The following C4orf50 variants were observed in gnomAD, a reference collection of about 807,000 sequenced individuals.
C4orf50 encodes uncharacterized protein C4orf50.
C4orf50 carries 80 observed loss-of-function variants against 77.2 expected under a neutral mutation model. The observed-to-expected ratio is 1.04, with a 90% confidence interval of 0.87 to 1.25. C4orf50 has a LOEUF of 1.25. C4orf50 is among the 50% of genes most tolerant of loss of function. The pLI, the probability that C4orf50 is intolerant of heterozygous loss-of-function variation, is 0.00. For synonymous variants in C4orf50, 532 were observed against 465.3 expected, an observed-to-expected ratio of 1.14 and a Z score of -1.84; for missense variants, 1,257 against 1,152.9, an observed-to-expected ratio of 1.09 and a Z score of -1.31.
chr4:5,966,174 T>A (rs745968224), intron 32 of C4orf50, among the ~76,000 whole-genome samples: 4 of 152,232 alleles, frequency 2.6e-5, no homozygotes, highest in Non-Finnish European at 5.9e-5. Context: ...GGCTTCATTT[T>A]CTTTTTAATA....
intron 30 of C4orf50, among the ~76,000 whole-genome samples, chr4:5,975,254 C>T (rs888856530): frequency 2.7e-5 from 4 of 149,102 alleles, no homozygotes; most frequent in African/African-American, 2.5e-5. Flanking sequence ...GAGCACAGAG[C>T]GCAGGGGTGG....
At chr4:5,917,505 C>T (rs953680911) in intron 7 of C4orf50, among the ~76,000 whole-genome samples, 2 of 147,174 alleles carry the variant, frequency 1.4e-5, no homozygotes, top group African/African-American at 5.0e-5. Flanking sequence ...CCTTTGCCTT[C>T]CGGGTTCAAG....
intron 32 of C4orf50, among the ~76,000 whole-genome samples, chr4:5,967,087 T>A (rs1198571043): frequency 6.6e-6 from 1 of 152,212 alleles, no homozygotes; most frequent in African/African-American, 2.4e-5. Flanking sequence ...TTCCTCCCAG[T>A]TTTTGGCTAT....
At chr4:5,921,242 C>G (rs1265937894) in intron 7 of C4orf50, among the ~76,000 whole-genome samples, 1 of 152,180 alleles carries the variant, frequency 6.6e-6, no homozygotes. Context: ...TCCTCCTGGG[C>G]TCCCTGACAG....
intron 33 of C4orf50, among the ~76,000 whole-genome samples, chr4:5,962,683 C>T (rs1719336954): frequency 6.6e-6 from 1 of 152,250 alleles, no homozygotes; most frequent in African/African-American, 2.4e-5. Flanking sequence ...CGCTTATGAG[C>T]TGGGTGACCT....
At chr4:6,010,159 T>C (rs1275305403) in intron 24 of C4orf50, among the ~76,000 whole-genome samples, 6 of 152,142 alleles carry the variant, frequency 3.9e-5, no homozygotes, top group Admixed American at 1.3e-4. Flanking sequence ...CGAAAAGTAT[T>C]TGTGACAATA....
rs1236013239 is a variant in C4orf50, at chr4:5,900,241, A to C, written c.*2475-2053T>G. 2 of 152,210 alleles carry C rather than the reference A, an allele frequency of 1.3e-5. No homozygotes were observed. The highest frequency in any genetic ancestry group is 2.9e-5 in the Non-Finnish European group (2 of 68,038). The allele number at this position is 152,210 out of a possible 1,614,324, so 9.4% of individuals were successfully genotyped here. A position where few individuals can be genotyped will look rare whatever the true frequency, so the allele number is the denominator to read the frequency against. Reference sequence around the variant, plus strand: ...CTCAATAAATTGCTGAGTAAAACAAATAGAAAGGACCCCAGCTGTAAAAGG... The same window carrying C: ...CTCAATAAATTGCTGAGTAAAACAACTAGAAAGGACCCCAGCTGTAAAAGG... On this transcript the variant is annotated intron_variant, in intron 7 of 7. Transcript: ENST00000324058. The surrounding 1 kb of genome is among the most constrained non-coding windows in gnomAD (Gnocchi z 4.3).
chr4:5,980,971 G>A (rs1208593616), intron 28 of C4orf50, among the ~76,000 whole-genome samples: 1 of 152,150 alleles, frequency 6.6e-6, no homozygotes, highest in African/African-American at 2.4e-5. Flanking sequence ...ACAGTGAGAG[G>A]GAACAGGCTG....
exon 34 of C4orf50, chr4:5,959,407 C>A: frequency 1.2e-6 from 2 of 1,614,116 alleles, no homozygotes; most frequent in Non-Finnish European, 1.7e-6. Context: ...GATTTATGGA[C>A]CTGGGAATTG....
At chr4:5,979,066 G>A (rs567113488) in intron 29 of C4orf50, among the ~76,000 whole-genome samples, 1 of 152,304 alleles carries the variant, frequency 6.6e-6, no homozygotes, top group African/African-American at 2.4e-5. Context: ...AGGATAACGA[G>A]TTATGGGCAA....
chr4:5,971,228 G>A (rs561555382), intron 31 of C4orf50, among the ~76,000 whole-genome samples: 153 of 152,304 alleles, frequency 1.0e-3, no homozygotes, highest in African/African-American at 3.5e-3. Context: ...GGCCCCCATC[G>A]GGAATTCCAT....
chr4:6,013,660 G>A (rs1248859862), intron 23 of C4orf50, among the ~76,000 whole-genome samples: 2 of 152,194 alleles, frequency 1.3e-5, no homozygotes, highest in Non-Finnish European at 2.9e-5. Flanking sequence ...CTTGAGAGAG[G>A]GTTGAACTTA....
At chr4:5,993,173 C>T (rs924335532) in intron 26 of C4orf50, among the ~76,000 whole-genome samples, 3 of 152,168 alleles carry the variant, frequency 2.0e-5, no homozygotes, top group Admixed American at 6.5e-5. Flanking sequence ...GCCACCTCTG[C>T]GGCCCACAGA....
At chr4:5,921,223 G>A (rs1430999355) in intron 7 of C4orf50, among the ~76,000 whole-genome samples, 3 of 152,224 alleles carry the variant, frequency 2.0e-5, no homozygotes, top group Non-Finnish European at 4.4e-5. Context: ...TAGGCTTGAT[G>A]ATGTGTCATC....
At position 5,907,010 on chromosome 4, in the gene C4orf50, G is replaced by C. The variant is rs371902840; in HGVS notation, c.*2475-8822C>G. Among the ~76,000 whole-genome samples, 3 of 152,306 alleles carry C rather than the reference G, an allele frequency of 2.0e-5. No homozygotes were observed. The South Asian group carries it at 6.2e-4, about 32-fold the overall frequency. On this transcript the variant is annotated intron_variant, in intron 7 of 7. Transcript: ENST00000324058. The stretch of plus-strand genomic sequence containing the variant: ...TTCATGAGGCAGATCTTGGAAATCT[G>C]TGTTTCCAATGAGTTCCATGCTATG...
Position 5,900,250 on chromosome 4 carries a change from A to G in C4orf50, c.*2475-2062T>C, listed in dbSNP as rs370977751. Reference sequence around the variant, plus strand: ...TTGCTGAGTAAAACAAATAGAAAGGACCCCAGCTGTAAAAGGACTTGCGTT... The same window carrying G: ...TTGCTGAGTAAAACAAATAGAAAGGGCCCCAGCTGTAAAAGGACTTGCGTT... On this transcript the variant is annotated intron_variant, in intron 7 of 7. Transcript: ENST00000324058. The surrounding 1 kb of genome is among the most constrained non-coding windows in gnomAD (Gnocchi z 4.3). The G allele has an allele frequency of 6.6e-6, 1 of 152,108 alleles. No homozygotes were observed. The highest frequency in any genetic ancestry group is 1.5e-5 in the Non-Finnish European group (1 of 68,022). The allele number at this position is 152,108 out of a possible 1,614,324, so 9.4% of individuals were successfully genotyped here.
chr4:5,920,984 G>C (rs1717244072), intron 7 of C4orf50, among the ~76,000 whole-genome samples: 1 of 152,128 alleles, frequency 6.6e-6, no homozygotes, highest in Non-Finnish European at 1.5e-5. Context: ...GCAGTGGACA[G>C]TCACCCTCAT....
rs757870067 is a variant in C4orf50, at chr4:5,970,027, G to C, written c.4105-2565C>G. 1.3e-5 allele frequency among the ~76,000 whole-genome samples: 2 copies of C among 152,070 alleles called. No individual in the cohort carries two copies. Among genetic ancestry groups the C allele is most frequent in the Non-Finnish European group, 2.9e-5 (2 of 68,014 alleles). On this transcript the variant is annotated intron_variant, in intron 31 of 33. Transcript: ENST00000531445. This position sits in a 1 kb window ranked among gnomAD's most constrained non-coding sequence, Gnocchi z 4.3. ...CCTCTTCTCCTCTCCTTTGGTACCC[G>C]GGCCTCTGCCTCCAAGGTCTCAGGG...
intron 33 of C4orf50, among the ~76,000 whole-genome samples, chr4:5,961,019 G>A (rs1308418037): frequency 6.6e-6 from 1 of 152,158 alleles, no homozygotes; most frequent in East Asian, 1.9e-4. Flanking sequence ...GTCCCCTCCT[G>A]GAAGTGGCTG....
Sources: gnomAD v4.1 joint callset for allele counts (sites outside exome capture counted in the v4.1 genomes callset) on GRCh38, gnomAD v4.1.1 for gene constraint, Gnocchi (gnomAD v3.1) non-coding constraint, MANE v1.5 for transcripts, NCBI Gene and HGNC (gene_info 2026-07-23, HGNC 2026-07-21) for gene names.